CDC14A: variants seen among roughly 807,000 people sequenced by gnomAD.
CDC14A encodes the protein cell division cycle 14A, also known as dual specificity protein phosphatase CDC14A.
CDC14A carries 53 observed loss-of-function variants against 74.4 expected under a neutral mutation model. The ratio of observed to expected loss-of-function variants is 0.71; its 90% CI spans 0.57 to 0.89. CDC14A has a LOEUF of 0.89. Among genes scored for constraint, CDC14A ranks in the 40% least tolerant of loss-of-function variants. The pLI, the probability that CDC14A is intolerant of heterozygous loss-of-function variation, is 0.00. For missense variants in CDC14A, 646 were observed against 713.7 expected (o/e 0.91, Z 1.08); for synonymous variants, 247 against 258.4 (o/e 0.96, Z 0.43).
At position 100,346,341 on chromosome 1, in the gene CDC14A, A is replaced by G. The variant is rs114471964; in HGVS notation, c.-126+1158A>G. ...CACTTATTTTTTCTGTAAAAAGAGTATGAATGGCGTGGGTGCGGTGGCTCC... is the reference window on the plus strand; with the variant it reads ...CACTTATTTTTTCTGTAAAAAGAGTGTGAATGGCGTGGGTGCGGTGGCTCC... On this transcript the variant is annotated intron_variant, in intron 1 of 14. Coordinates refer to the CDC14A transcript ENST00000635056. Among the ~76,000 whole-genome samples the G allele has an allele frequency of 3.8e-3, 583 of 152,300 alleles. 1 individual carries two copies. The highest frequency in any genetic ancestry group is 0.013 in the African/African-American group (535 of 41,574).
At chr1:100,424,877 G>C (rs1236025421) in intron 5 of CDC14A, among the ~76,000 whole-genome samples, 3 of 152,084 alleles carry the variant, frequency 2.0e-5, no homozygotes, top group Non-Finnish European at 4.4e-5. Flanking sequence ...CATTTAAAAA[G>C]TAGAAGGGGA....
chr1:100,430,096 T>C (rs968279561), intron 5 of CDC14A, among the ~76,000 whole-genome samples: 4 of 152,146 alleles, frequency 2.6e-5, no homozygotes, highest in African/African-American at 7.2e-5. Context: ...AGAACTCCTG[T>C]TCTGAAACAC....
intron 13 of CDC14A, among the ~76,000 whole-genome samples, chr1:100,496,311 A>T (rs928919077): frequency 2.7e-5 from 4 of 150,700 alleles, no homozygotes; most frequent in Non-Finnish European, 5.9e-5. Context: ...CACATTGTGG[A>T]GGGGGGTCTC....
chr1:100,446,119 A>G (rs1024589970), intron 7 of CDC14A, among the ~76,000 whole-genome samples: 1 of 152,214 alleles, frequency 6.6e-6, no homozygotes, highest in African/African-American at 2.4e-5. Context: ...TAAAGTCAGT[A>G]TTCCAGTGAA....
Position 100,508,874 on chromosome 1 carries a change from T to C in CDC14A, c.1756-9377T>C, listed in dbSNP as rs1649466589. ...TGGGTCACAAAGATGTTGATCTTGC[T>C]TTTAATTTCTGCTGTGCCCTTTCTT... On this transcript the variant is annotated intron_variant, in intron 15 of 15. Transcript: ENST00000336454. This position sits in a 1 kb window ranked among gnomAD's most constrained non-coding sequence, Gnocchi z 4.4. Among the ~76,000 whole-genome samples, 1 of 152,226 alleles carries C rather than the reference T, an allele frequency of 6.6e-6. No homozygotes were observed. The highest frequency in any genetic ancestry group is 2.4e-5 in the African/African-American group (1 of 41,462).
At chr1:100,465,109 T>G (rs1667668752) in intron 9 of CDC14A, among the ~76,000 whole-genome samples, 1 of 151,902 alleles carries the variant, frequency 6.6e-6, no homozygotes, top group Non-Finnish European at 1.5e-5. Flanking sequence ...ATATTTTTAG[T>G]AGAGATGGGG....
At position 100,518,361 on chromosome 1, in the gene CDC14A, C is replaced by A; in HGVS notation, c.*81C>A. ...GACGAGCAGTGGAGAGGGAAAGCAA[C>A]TTCTTGCTGGAAGAATATCTCTGCC... On this transcript the variant is annotated 3_prime_UTR_variant, in exon 16 of 16. Coordinates refer to ENST00000336454, the MANE Select transcript of CDC14A (RefSeq NM_003672.4). 1 of 1,100,578 alleles carries A rather than the reference C, an allele frequency of 9.1e-7. No homozygotes were observed. 68.2% of individuals were successfully genotyped at this position (1,100,578 alleles called of 1,614,324 possible).
At chr1:100,458,881 G>T (rs896273361) in intron 8 of CDC14A, among the ~76,000 whole-genome samples, 1 of 152,060 alleles carries the variant, frequency 6.6e-6, no homozygotes, top group African/African-American at 2.4e-5. Flanking sequence ...GTGTGTTTGT[G>T]TCAATAGGGA....
intron 5 of CDC14A, among the ~76,000 whole-genome samples, chr1:100,437,832 T>C (rs1664509754): frequency 6.6e-6 from 1 of 152,170 alleles, no homozygotes; most frequent in Non-Finnish European, 1.5e-5. Context: ...GAAGACATAC[T>C]TGAAAGAATA....
chr1:100,429,612 GA>G (rs1471712744), intron 5 of CDC14A, among the ~76,000 whole-genome samples: 1 of 151,156 alleles, frequency 6.6e-6, no homozygotes, highest in East Asian at 1.9e-4. Context: ...TTGGGATTTT[GA>G]AAAACTGCAT....
At chr1:100,496,079 G>T in intron 13 of CDC14A, 30 bp downstream of exon 13, 1 of 1,580,822 alleles carries the variant, frequency 6.3e-7, no homozygotes, top group Non-Finnish European at 8.7e-7. Flanking sequence ...ATGTCTAGTA[G>T]CTTGTAAATA....
chr1:100,518,112 T>C (rs1650388016), intron 15 of CDC14A, 139 bp from the exon 16 acceptor site: 4 of 555,370 alleles, frequency 7.2e-6, no homozygotes, highest in Non-Finnish European at 1.3e-5. Flanking sequence ...TTGTGTCTCC[T>C]GTCTTTTTGT....
intron 4 of CDC14A, chr1:100,392,971 T>C: frequency 2.7e-6 from 3 of 1,094,108 alleles, no homozygotes; most frequent in Non-Finnish European, 4.0e-6. Flanking sequence ...TCCTTAACAG[T>C]TCATTAAAAG....
At chr1:100,482,054 A>G (rs1669537973) in intron 10 of CDC14A, among the ~76,000 whole-genome samples, 1 of 152,218 alleles carries the variant, frequency 6.6e-6, no homozygotes, top group South Asian at 2.1e-4. Context: ...CATCTTTAAT[A>G]TTCAGGTTCA....
rs1656025934 is a variant in CDC14A at position 100,381,017 on chromosome 1, G to A, written c.216+3396G>A. ...ATCATTCTCTGTGCAGATCTGTATC[G>A]TTGATGAATTGTAATTACCTGTTTG... On this transcript the variant is annotated intron_variant, in intron 3 of 15. Transcript: ENST00000336454. 1.3e-5 allele frequency among the ~76,000 whole-genome samples: 2 copies of A among 152,264 alleles called. 1 individual carries two copies.
intron 15 of CDC14A, among the ~76,000 whole-genome samples, chr1:100,509,229 C>T (rs1649496173): frequency 6.6e-6 from 1 of 152,192 alleles, no homozygotes; most frequent in Non-Finnish European, 1.5e-5. Flanking sequence ...CTAACCTCCT[C>T]CTCTGTGAAG....
intron 12 of CDC14A, among the ~76,000 whole-genome samples, chr1:100,495,581 C>G (rs1054611054): frequency 4.6e-5 from 7 of 152,092 alleles, no homozygotes; most frequent in Non-Finnish European, 1.0e-4. Flanking sequence ...TGGCAAGGCC[C>G]CAGTCCACAA....
chr1:100,377,521 G>A (rs781095812), intron 2 of CDC14A, 25 bp from the exon 3 acceptor site: 17 of 1,546,568 alleles, frequency 1.1e-5, no homozygotes, highest in Non-Finnish European at 1.5e-5. Flanking sequence ...TAAATACTAC[G>A]TTTTTTGTTT....
intron 7 of CDC14A, among the ~76,000 whole-genome samples, chr1:100,445,818 T>A (rs1665485585): frequency 6.6e-6 from 1 of 152,240 alleles, no homozygotes; most frequent in Non-Finnish European, 1.5e-5. Flanking sequence ...TGGTGAAGAC[T>A]TGATGTTGTC....
Sources: gnomAD v4.1 joint callset for allele counts (sites outside exome capture counted in the v4.1 genomes callset) on GRCh38, gnomAD v4.1.1 for gene constraint, Gnocchi (gnomAD v3.1) non-coding constraint, MANE v1.5 for transcripts, NCBI Gene and HGNC (gene_info 2026-07-23, HGNC 2026-07-21) for gene names.